Variants in MYCBP2 observed in about 807,000 individuals in gnomAD.
The protein encoded by MYCBP2 is MYC binding protein 2.
MYCBP2 carries 120 observed loss-of-function variants against 525.3 expected under a neutral mutation model. That is an observed-to-expected ratio of 0.23 (90% confidence interval 0.20 to 0.27). The LOEUF is 0.27. Among genes scored for constraint, MYCBP2 ranks in the 10% least tolerant of loss-of-function variants. MYCBP2 has a pLI of 1.00. For missense variants in MYCBP2, 4,149 were observed against 5,657.1 expected, an observed-to-expected ratio of 0.73 and a Z score of 8.55; for synonymous variants, 1,894 against 1,955.8, an observed-to-expected ratio of 0.97 and a Z score of 0.83.
chr13:77,141,119 G>C (rs934301340), intron 49 of MYCBP2, among the ~76,000 whole-genome samples, 176 bp from the exon 50 acceptor site: 1 of 152,118 alleles, frequency 6.6e-6, no homozygotes, highest in Non-Finnish European at 1.5e-5. Context: ...TTTTAAAAAT[G>C]GCCCTGAGAT....
rs183650084 is a variant in MYCBP2 at position 77,061,882 on chromosome 13, G to A, written c.12775-92C>T. 329 of 1,274,718 alleles carry A rather than the reference G, an allele frequency of 2.6e-4. 2 individuals are homozygous for A. The African/African-American group carries it at 3.7e-3, about 14-fold the overall frequency. 79.0% of individuals were successfully genotyped at this position (1,274,718 alleles called of 1,614,324 possible). ...TATAATTTATTTACAAAAATAAACC[G>A]TTATTCGGAAGTCTATTAAGAATTT... On this transcript the variant is annotated intron_variant, in intron 74 of 82. Transcript: ENST00000544440.
At chr13:77,241,545 A>C (rs1389482251) in intron 17 of MYCBP2, among the ~76,000 whole-genome samples, 7 of 152,164 alleles carry the variant, frequency 4.6e-5, no homozygotes, top group Non-Finnish European at 7.4e-5. Flanking sequence ...CACATCAGAA[A>C]CTTAATTCTA....
At position 77,083,329 on chromosome 13, in the gene MYCBP2, T is replaced by A. The variant is rs1315121703; in HGVS notation, c.10876-137A>T. On this transcript the variant is annotated intron_variant, in intron 62 of 82. Coordinates refer to ENST00000544440, the MANE Select transcript of MYCBP2 (RefSeq NM_015057.5). The stretch of plus-strand genomic sequence containing the variant: ...CAAAACCAAATTGTACCCAGAAAGA[T>A]ACAGTAATTTTAACTAATTATGCTT... 3 of 743,204 alleles carry A rather than the reference T, an allele frequency of 4.0e-6. No homozygotes were observed. In the African/African-American group the frequency reaches 5.4e-5, roughly 13 times the overall value. 46.0% of individuals were successfully genotyped at this position (743,204 alleles called of 1,614,324 possible).
chr13:77,296,263 T>A (rs943459346), intron 2 of MYCBP2, among the ~76,000 whole-genome samples: 1 of 151,828 alleles, frequency 6.6e-6, no homozygotes, highest in Non-Finnish European at 1.5e-5. Context: ...CTACAAAAAA[T>A]TTAACAATTA....
intron 52 of MYCBP2, among the ~76,000 whole-genome samples, chr13:77,130,268 T>C (rs1193129448): frequency 6.6e-6 from 1 of 151,714 alleles, no homozygotes; most frequent in Non-Finnish European, 1.5e-5. Flanking sequence ...AACATCAAAA[T>C]TCCTTATCAA....
At chr13:77,137,738 GCCA>G (rs2053980056) in intron 52 of MYCBP2, among the ~76,000 whole-genome samples, 1 of 151,970 alleles carries the variant, frequency 6.6e-6, no homozygotes. Context: ...ACAGGTGCCC[GCCA>G]CCACACCTGG....
At chr13:77,226,107 G>C (rs1594100154) in intron 18 of MYCBP2, among the ~76,000 whole-genome samples, 1 of 152,240 alleles carries the variant, frequency 6.6e-6, no homozygotes, top group East Asian at 1.9e-4. Context: ...ATATATTGCA[G>C]TTCAATGGCC....
At chr13:77,093,824 T>C (rs1474706323) in intron 58 of MYCBP2, among the ~76,000 whole-genome samples, 3 of 152,122 alleles carry the variant, frequency 2.0e-5, no homozygotes, top group African/African-American at 7.2e-5. Context: ...ATACATAAGA[T>C]CATATTTGAA....
intron 14 of MYCBP2, among the ~76,000 whole-genome samples, 160 bp from the exon 15 acceptor site, chr13:77,251,515 G>C (rs565577429): frequency 1.3e-5 from 2 of 152,234 alleles, no homozygotes; most frequent in Non-Finnish European, 2.9e-5. Context: ...TTAATTTAGG[G>C]ACCACTAATA....
intron 21 of MYCBP2, among the ~76,000 whole-genome samples, chr13:77,216,458 T>G (rs1237398567): frequency 6.6e-6 from 1 of 152,192 alleles, no homozygotes; most frequent in Non-Finnish European, 1.5e-5. Flanking sequence ...AGGTTGCTTA[T>G]AGTTTCAAAG....
At chr13:77,142,374 A>C (rs1372492815) in intron 49 of MYCBP2, among the ~76,000 whole-genome samples, 2 of 152,218 alleles carry the variant, frequency 1.3e-5, no homozygotes, top group Non-Finnish European at 2.9e-5. Context: ...TGAAATAAAG[A>C]AGAGTGCAGC....
chr13:77,194,742 T>C lies in MYCBP2; in HGVS notation c.3844-498A>G, dbSNP rs570451927. Among the ~76,000 whole-genome samples the C allele has an allele frequency of 1.1e-4, 16 of 152,116 alleles. No individual in the cohort carries two copies. In the East Asian group the frequency reaches 1.5e-3, roughly 15 times the overall value. ...ACTTTTAAAAAGTAAGTGAATACTG[T>C]AGAATTCTTAAAAAAACAAACAATA... is the stretch of plus-strand genomic sequence containing the variant. On this transcript the variant is annotated intron_variant, in intron 26 of 82. Coordinates refer to ENST00000544440, the MANE Select transcript of MYCBP2 (RefSeq NM_015057.5).
At chr13:77,103,525 G>A (rs774236464) in intron 55 of MYCBP2, among the ~76,000 whole-genome samples, 2 of 151,940 alleles carry the variant, frequency 1.3e-5, no homozygotes, top group Non-Finnish European at 2.9e-5. Context: ...TATGTGTTAA[G>A]GTCCAAATTT....
chr13:77,296,620 T>C lies in MYCBP2; in HGVS notation c.357A>G (p.Ser119=). 6.3e-7 allele frequency: 1 copy of C among 1,575,374 alleles called. No homozygotes were observed. Among genetic ancestry groups the C allele is most frequent in the Middle Eastern group, 1.7e-4 (1 of 5,968 alleles). Residue 119 remains serine (S), a synonymous_variant, in exon 2 of 83, where the codon TCA becomes TCG. Coordinates refer to ENST00000544440, the MANE Select transcript of MYCBP2 (RefSeq NM_015057.5). ...TTACCTTGCTTCTTGTCTTCACTTT[T>C]GATTTGCTCTTCTGTTTTCTTTTCA... ...KKLKRKQKSK[S]KVKTRSKSEN...
intron 18 of MYCBP2, among the ~76,000 whole-genome samples, chr13:77,230,231 C>G (rs2066939418): frequency 6.6e-6 from 1 of 152,118 alleles, no homozygotes; most frequent in Non-Finnish European, 1.5e-5. Context: ...ATCCACAGTT[C>G]TTACTCTCCT....
At chr13:77,179,678 AATT>A (rs2060032355) in intron 34 of MYCBP2, among the ~76,000 whole-genome samples, 1 of 152,200 alleles carries the variant, frequency 6.6e-6, no homozygotes, top group Non-Finnish European at 1.5e-5. Context: ...GTGAAATAAA[AATT>A]ATTATTCCAA....
At chr13:77,263,279 A>G (rs1362641853) in intron 10 of MYCBP2, among the ~76,000 whole-genome samples, 1 of 152,058 alleles carries the variant, frequency 6.6e-6, no homozygotes, top group East Asian at 1.9e-4. Context: ...TATTGTTGTA[A>G]TAACATTTAC....
intron 55 of MYCBP2, chr13:77,100,334 T>A (rs140756301): frequency 6.6e-6 from 1 of 152,096 alleles, no homozygotes; most frequent in Admixed American, 6.6e-5. Context: ...CCAGTCTTTG[T>A]CAAGGGCAGG....
chr13:77,277,603 C>T (rs971647021), intron 4 of MYCBP2, among the ~76,000 whole-genome samples: 3 of 152,038 alleles, frequency 2.0e-5, no homozygotes, highest in African/African-American at 4.8e-5. Flanking sequence ...ATAGCCAAGT[C>T]GGAAAAAAAG....
Sources: gnomAD v4.1 joint callset for allele counts (sites outside exome capture counted in the v4.1 genomes callset) on GRCh38, gnomAD v4.1.1 for gene constraint, MANE v1.5 for transcripts, NCBI Gene and HGNC (gene_info 2026-07-23, HGNC 2026-07-21) for gene names.